The following CHL1 variants were observed in gnomAD, a reference collection of about 807,000 sequenced individuals.
The protein encoded by CHL1 is cell adhesion molecule L1 like.
In CHL1, 96 loss-of-function variants were observed where a neutral mutation model predicts 141.9. That is an observed-to-expected ratio of 0.68 (90% CI 0.57 to 0.80). The LOEUF (loss-of-function observed/expected upper bound fraction) is 0.80. Among genes scored for constraint, CHL1 ranks in the 30% least tolerant of loss-of-function variants. CHL1 has a pLI of 0.00. For synonymous variants in CHL1, 613 were observed against 502.2 expected (o/e 1.22, Z -2.95); for missense variants, 1,820 against 1,457.2 (o/e 1.25, Z -4.05).
chr3:271,319 G>C (rs1002872976), intron 2 of CHL1, among the ~76,000 whole-genome samples: 6 of 152,166 alleles, frequency 3.9e-5, no homozygotes, highest in Admixed American at 1.3e-4. Context: ...CATGCCTGTA[G>C]TTCCAGGTAC....
chr3:320,759 T>A (rs1559249844), intron 3 of CHL1, among the ~76,000 whole-genome samples: 1 of 152,092 alleles, frequency 6.6e-6, no homozygotes, highest in Non-Finnish European at 1.5e-5. Flanking sequence ...ATATCAAGTC[T>A]GCCATGTATA....
intron 9 of CHL1, among the ~76,000 whole-genome samples, chr3:345,893 A>C (rs1702730442): frequency 6.6e-6 from 1 of 152,216 alleles, no homozygotes; most frequent in African/African-American, 2.4e-5. Flanking sequence ...AACAGGGACC[A>C]TCTTATTTAA....
chr3:262,745 T>C (rs1694839208), intron 2 of CHL1, among the ~76,000 whole-genome samples: 1 of 152,210 alleles, frequency 6.6e-6, no homozygotes, highest in Admixed American at 6.5e-5. Context: ...AGAACTAGTC[T>C]TGTCAGACTT....
intron 2 of CHL1, among the ~76,000 whole-genome samples, chr3:246,062 AT>A (rs1185986587): frequency 6.6e-6 from 1 of 152,174 alleles, no homozygotes; most frequent in Non-Finnish European, 1.5e-5. Context: ...AATTCCTTTG[AT>A]GATGATTGTG....
intron 1 of CHL1, among the ~76,000 whole-genome samples, chr3:243,821 C>T (rs1245674463): frequency 2.0e-5 from 3 of 152,160 alleles, no homozygotes; most frequent in Admixed American, 6.6e-5. Context: ...GAATTTAGCT[C>T]TTCTGAATGA....
chr3:281,756 C>T (rs1198604799), intron 2 of CHL1, among the ~76,000 whole-genome samples: 1 of 152,022 alleles, frequency 6.6e-6, no homozygotes, highest in African/African-American at 2.4e-5. Context: ...GATGGGGTTT[C>T]ACCATGTTGG....
chr3:376,285 G>C (rs1055515117), intron 15 of CHL1: 3 of 454,944 alleles, frequency 6.6e-6, no homozygotes, highest in Non-Finnish European at 1.3e-5. Context: ...GTGACCCTAT[G>C]TGTGACAACT....
At chr3:202,951 T>C (rs1018099048) in intron 1 of CHL1, among the ~76,000 whole-genome samples, 1 of 152,344 alleles carries the variant, frequency 6.6e-6, no homozygotes, top group Admixed American at 6.5e-5. Flanking sequence ...ACTAGATTCA[T>C]ACATTTAGAA....
chr3:271,980 G>C (rs189967843), intron 2 of CHL1, among the ~76,000 whole-genome samples: 9 of 152,266 alleles, frequency 5.9e-5, no homozygotes, highest in Admixed American at 5.2e-4. Flanking sequence ...TCTTTTGATA[G>C]GTGCTGACTG....
At chr3:398,108 A>G (rs1443916324) in intron 24 of CHL1, 119 bp from the exon 25 acceptor site, 2 of 550,446 alleles carry the variant, frequency 3.6e-6, no homozygotes, top group African/African-American at 3.9e-5. Context: ...GTAATTCAAA[A>G]ACTATCTGAG....
Position 399,069 on chromosome 3 carries a change from G to T in CHL1, c.3306G>T (p.Leu1102=). ...DISTQGWFIG[L]MCAIALLTLL... Reference sequence around the variant, plus strand: ...CCACTCAAGGCTGGTTTATTGGACTGATGTGTGCGATTGCTCTTCTCACAC... The same window carrying T: ...CCACTCAAGGCTGGTTTATTGGACTTATGTGTGCGATTGCTCTTCTCACAC... The change falls in exon 26 of 28, where the codon CTG becomes CTT. Residue 1102 remains leucine (L), a synonymous_variant. Coordinates refer to ENST00000256509, the MANE Select transcript of CHL1 (RefSeq NM_006614.4). The T allele has an allele frequency of 2.5e-6, 4 of 1,609,006 alleles. No individual in the cohort carries two copies. The highest frequency in any genetic ancestry group is 3.4e-6 in the Non-Finnish European group (4 of 1,175,400).
intron 13 of CHL1, among the ~76,000 whole-genome samples, chr3:362,452 T>C (rs908980821): frequency 8.6e-5 from 13 of 152,036 alleles, no homozygotes; most frequent in African/African-American, 2.7e-4. Context: ...TCATCGTGGG[T>C]TTTTTGCATT....
intron 1 of CHL1, among the ~76,000 whole-genome samples, chr3:238,663 G>A (rs1028861697): frequency 1.3e-5 from 2 of 151,876 alleles, no homozygotes; most frequent in East Asian, 1.9e-4. Context: ...AGTGGCTCAC[G>A]CCTATAATCC....
intron 2 of CHL1, among the ~76,000 whole-genome samples, chr3:257,756 T>C (rs1329085824): frequency 6.6e-6 from 1 of 152,162 alleles, no homozygotes; most frequent in Non-Finnish European, 1.5e-5. Flanking sequence ...TTATGTAAAG[T>C]AGTGTTGATT....
In CHL1 at chr3:406,145, A is replaced by G. The variant is rs1159860146; in HGVS notation, c.*434A>G. 1.3e-5 allele frequency: 2 copies of G among 154,236 alleles called. No homozygotes were observed. Among genetic ancestry groups the G allele is most frequent in the African/African-American group, 4.8e-5 (2 of 41,464 alleles). 9.6% of individuals were successfully genotyped at this position (154,236 alleles called of 1,614,324 possible). On this transcript the variant is annotated 3_prime_UTR_variant, in exon 28 of 28. Transcript: ENST00000256509. ...GCTTCACTACAGGTTAAAAGACCAT[A>G]AGCAAACTGGTTATTTAAAATGTAA... is the stretch of plus-strand genomic sequence containing the variant.
chr3:324,447 C>T (rs914946402), intron 3 of CHL1, among the ~76,000 whole-genome samples: 19 of 152,096 alleles, frequency 1.2e-4, no homozygotes, highest in Admixed American at 6.6e-4. Context: ...ATATTGAGTG[C>T]TCATCAGCAG....
At position 256,233 on chromosome 3, in the gene CHL1, G is replaced by C. The variant is rs149769266; in HGVS notation, c.-95+11541G>C. Among the ~76,000 whole-genome samples the C allele has an allele frequency of 8.3e-4, 124 of 150,254 alleles. 1 individual carries two copies. The highest frequency in any genetic ancestry group is 3.0e-3 in the East Asian group (15 of 4,984). On this transcript the variant is annotated intron_variant, in intron 2 of 27. Coordinates refer to ENST00000256509, the MANE Select transcript of CHL1 (RefSeq NM_006614.4). ...AAATTTAAAAATATAGTATGACTTT[G>C]ATAGGTAGTCTGTATTCTGGCACTT...
intron 2 of CHL1, among the ~76,000 whole-genome samples, chr3:276,877 A>G (rs1287801140): frequency 1.4e-5 from 2 of 141,568 alleles, no homozygotes; most frequent in Non-Finnish European, 3.1e-5. Context: ...TGAAAGAGGA[A>G]GACTCCGTCT....
chr3:226,592 A>G lies in CHL1; in HGVS notation c.-174-18021A>G, dbSNP rs113468403. Among the ~76,000 whole-genome samples, 1,496 of 151,494 alleles carry G rather than the reference A, an allele frequency of 9.9e-3. 17 individuals carry two copies. Among genetic ancestry groups the G allele is most frequent in the South Asian group, 0.03 (144 of 4,780 alleles). ...AGCCTCCCGAGTGGCTGGGATTACA[A>G]GCGCACACCACGCCCAGCTAATTCT... On this transcript the variant is annotated intron_variant, in intron 1 of 27. Coordinates refer to ENST00000256509, the MANE Select transcript of CHL1 (RefSeq NM_006614.4).
Sources: allele counts gnomAD v4.1 joint callset (sites outside exome capture counted in the v4.1 genomes callset), GRCh38; gene constraint gnomAD v4.1.1; transcripts MANE v1.5; gene names NCBI Gene and HGNC (gene_info 2026-07-23, HGNC 2026-07-21).